The following CRTC3 variants were observed in gnomAD, a reference collection of about 807,000 sequenced individuals.
CRTC3 encodes CREB-regulated transcription coactivator 3.
Under a neutral mutation model 74.5 loss-of-function variants are expected in CRTC3, and 26 were observed. The ratio of observed to expected loss-of-function variants is 0.35; its 90% CI spans 0.26 to 0.48. The LOEUF (loss-of-function observed/expected upper bound fraction) is 0.48, where lower values mean the gene tolerates loss of function less well. Among genes scored for constraint, CRTC3 ranks in the 20% least tolerant of loss-of-function variants. The pLI is 0.99. For missense variants in CRTC3, 760 were observed against 787.3 expected, an observed-to-expected ratio of 0.97 and a Z score of 0.41; for synonymous variants, 377 against 325.8, an observed-to-expected ratio of 1.16 and a Z score of -1.69.
At chr15:90,535,288 A>G (rs1167887603) in intron 1 of CRTC3, among the ~76,000 whole-genome samples, 1 of 152,130 alleles carries the variant, frequency 6.6e-6, no homozygotes, top group East Asian at 1.9e-4. Context: ...GAGCAACCAG[A>G]GGGGCAGGAG....
chr15:90,533,084 CAAAAAAAAAAAAAAAAAAAAAAAAA>C (rs766911510), intron 1 of CRTC3, among the ~76,000 whole-genome samples: 1 of 18,862 alleles, frequency 5.3e-5, no homozygotes, highest in African/African-American at 2.2e-4. Context: ...GACTTCATCT[CAAAAAAAAAAAAAAAAAAAAAAAAA>C]AAAAAAAAAA....
chr15:90,626,912 T>A (rs1260863708), intron 10 of CRTC3, among the ~76,000 whole-genome samples: 1 of 152,194 alleles, frequency 6.6e-6, no homozygotes, highest in Non-Finnish European at 1.5e-5. Context: ...ACCACTGACA[T>A]ACCCTTGTCA....
At chr15:90,637,322 C>G (rs1052184144) in intron 11 of CRTC3, among the ~76,000 whole-genome samples, 1 of 152,150 alleles carries the variant, frequency 6.6e-6, no homozygotes, top group Non-Finnish European at 1.5e-5. Context: ...CCAAACACCA[C>G]ATATTCTCAC....
rs981666471 is a variant in CRTC3, at chr15:90,642,655, C to T, written c.*515C>T. ...GGGGGACATTCCCAGGCTGAGTGGA[C>T]CCCACGGCTCTCTCCCACGCCTGGA... On this transcript the variant is annotated 3_prime_UTR_variant, in exon 15 of 15. Coordinates refer to ENST00000268184, the MANE Select transcript of CRTC3 (RefSeq NM_022769.5). The T allele has an allele frequency of 8.5e-6, 2 of 235,828 alleles. No individual in the cohort carries two copies. The highest frequency in any genetic ancestry group is 1.7e-5 in the Non-Finnish European group (2 of 119,478). The allele number at this position is 235,828 out of a possible 1,614,324, so 14.6% of individuals were successfully genotyped here. A position where few individuals can be genotyped will look rare whatever the true frequency, so the allele number is the denominator to read the frequency against.
At chr15:90,630,324 T>C (rs764176190) in intron 11 of CRTC3, among the ~76,000 whole-genome samples, 3 of 152,256 alleles carry the variant, frequency 2.0e-5, no homozygotes, top group Non-Finnish European at 4.4e-5. Flanking sequence ...TCCCTAATTG[T>C]CTACAGATTT....
At chr15:90,593,825 C>T (rs1366007509) in intron 3 of CRTC3, 70 bp downstream of exon 3, 1 of 1,483,606 alleles carries the variant, frequency 6.7e-7, no homozygotes. Flanking sequence ...GATTTATCTT[C>T]CCTGCAATTC....
chr15:90,632,944 G>A (rs1429821915), intron 11 of CRTC3, among the ~76,000 whole-genome samples: 3 of 152,066 alleles, frequency 2.0e-5, no homozygotes, highest in Non-Finnish European at 4.4e-5. Context: ...TACATTTTTG[G>A]TGTTAGGCAT....
intron 2 of CRTC3, among the ~76,000 whole-genome samples, chr15:90,556,825 C>T (rs1052317155): frequency 1.1e-4 from 16 of 151,830 alleles, no homozygotes; most frequent in South Asian, 2.1e-4. Flanking sequence ...AGGTTTACAA[C>T]GGTCTACTAC....
At chr15:90,613,252 C>CT (rs1246777801) in intron 6 of CRTC3, among the ~76,000 whole-genome samples, 1 of 150,440 alleles carries the variant, frequency 6.6e-6, no homozygotes, top group Non-Finnish European at 1.5e-5. Context: ...GAATCAAAAT[C>CT]TTTGAGGGTT....
chr15:90,626,448 C>A (rs899419909), intron 10 of CRTC3, among the ~76,000 whole-genome samples: 8 of 152,100 alleles, frequency 5.3e-5, no homozygotes, highest in Admixed American at 2.0e-4. Context: ...TACTTAATAT[C>A]TGTGTGTGAA....
intron 3 of CRTC3, chr15:90,598,191 C>T (rs1967976668): frequency 6.0e-6 from 3 of 499,746 alleles, no homozygotes; most frequent in Admixed American, 3.4e-5. Flanking sequence ...CCCGACAAGG[C>T]AGTTCCTGAG....
intron 2 of CRTC3, among the ~76,000 whole-genome samples, chr15:90,542,829 G>T (rs1596071004): frequency 6.6e-6 from 1 of 152,154 alleles, no homozygotes; most frequent in African/African-American, 2.4e-5. Context: ...TTACAGGCCA[G>T]TTTTTTTGTA....
intron 11 of CRTC3, among the ~76,000 whole-genome samples, chr15:90,633,730 G>A (rs1969127375): frequency 6.6e-6 from 1 of 151,668 alleles, no homozygotes; most frequent in Non-Finnish European, 1.5e-5. Context: ...CTCTACGAAT[G>A]TTGACTATCC....
chr15:90,566,228 C>G (rs1389533217), intron 2 of CRTC3, among the ~76,000 whole-genome samples: 1 of 152,076 alleles, frequency 6.6e-6, no homozygotes, highest in African/African-American at 2.4e-5. Flanking sequence ...TTGAAGCTAG[C>G]AGAGGTTGGT....
At chr15:90,583,209 CTT>C (rs1414107113) in intron 2 of CRTC3, among the ~76,000 whole-genome samples, 3 of 152,136 alleles carry the variant, frequency 2.0e-5, no homozygotes, top group East Asian at 3.9e-4. Context: ...CTGATTTTGA[CTT>C]TACCTGCTAA....
chr15:90,640,792 G>C (rs781504382), intron 13 of CRTC3, among the ~76,000 whole-genome samples: 4 of 151,790 alleles, frequency 2.6e-5, no homozygotes, highest in Non-Finnish European at 4.4e-5. Context: ...TGGTGAGGCT[G>C]AGGACAGATG....
Position 90,545,192 on chromosome 15 carries a change from G to A in CRTC3, c.231+5055G>A, listed in dbSNP as rs12441772. Among the ~76,000 whole-genome samples, 1,036 of 152,210 alleles carry A rather than the reference G, an allele frequency of 6.8e-3. 23 individuals are homozygous for A. The East Asian group carries it at 0.086, about 13-fold the overall frequency. ...TGACATGATTTCCTTCCTTTTCAAG[G>A]CTGAGTAACATTTCATTGTATGTGG... is the stretch of plus-strand genomic sequence containing the variant. On this transcript the variant is annotated intron_variant, in intron 2 of 14. Transcript: ENST00000268184.
intron 11 of CRTC3, chr15:90,635,043 C>G (rs983486120): frequency 1.0e-6 from 1 of 1,003,110 alleles, no homozygotes; most frequent in African/African-American, 1.5e-5. Flanking sequence ...AAATAAGTCA[C>G]TACTGAAATG....
chr15:90,638,696 G>A (rs756129622), intron 12 of CRTC3, 39 bp from the exon 13 acceptor site: 1 of 1,612,896 alleles, frequency 6.2e-7, no homozygotes, highest in Admixed American at 1.7e-5. Context: ...GTTTTGCTCT[G>A]AGTTCCAAGC....
Sources: allele counts gnomAD v4.1 joint callset (sites outside exome capture counted in the v4.1 genomes callset), GRCh38; gene constraint gnomAD v4.1.1; transcripts MANE v1.5; gene names NCBI Gene and HGNC (gene_info 2026-07-23, HGNC 2026-07-21).